The following DIP2B variants were observed in gnomAD, a reference collection of about 807,000 sequenced individuals.
The protein encoded by DIP2B is DIP2 acetate--CoA ligase B (putative).
DIP2B carries 76 observed loss-of-function variants against 198.0 expected under a neutral mutation model. That is an observed-to-expected ratio of 0.38 (90% CI 0.32 to 0.46). The LOEUF is 0.46. Ranked by LOEUF, DIP2B falls within the 20% of genes least tolerant of loss-of-function variation. The pLI is 0.99. For synonymous variants in DIP2B, 701 were observed against 739.1 expected (o/e 0.95, Z 0.84); for missense variants, 1,559 against 1,978.4 (o/e 0.79, Z 4.02).
rs189096210 is a variant in DIP2B, at chr12:50,692,070, A to T, written c.1655-879A>T. On this transcript the variant is annotated intron_variant, in intron 13 of 37. Coordinates refer to ENST00000301180, the MANE Select transcript of DIP2B (RefSeq NM_173602.3). ...ACAGAGCAAGACTCTGTCTCAAAAA[A>T]ATATATATATATATAATACATTCAT... 6.5e-3 allele frequency among the ~76,000 whole-genome samples: 988 copies of T among 151,118 alleles called. 5 individuals carry two copies. The highest frequency in any genetic ancestry group is 0.014 in the Middle Eastern group (4 of 294).
chr12:50,511,291 A>AT lies in DIP2B; in HGVS notation c.100+6072dup, dbSNP rs71083581. On this transcript the variant is annotated intron_variant, in intron 1 of 37. Transcript: ENST00000301180. ...CCTATCCCTGACCAGTGTGATTTCT[A>AT]TTTTTTTTTTTTTTTTTTTTTGAGA... Among the ~76,000 whole-genome samples the AT allele has an allele frequency of 8.1e-3, 525 of 64,634 alleles. 73 individuals are homozygous for AT. The South Asian group carries it at 0.1, about 12-fold the overall frequency. The allele number at this position is 64,634 out of a possible 152,430, so 42.4% of individuals were successfully genotyped here. A position where few individuals can be genotyped will look rare whatever the true frequency, so the allele number is the denominator to read the frequency against.
At chr12:50,530,396 T>G (rs934794633) in intron 1 of DIP2B, among the ~76,000 whole-genome samples, 4 of 152,170 alleles carry the variant, frequency 2.6e-5, no homozygotes, top group African/African-American at 9.7e-5. Context: ...ATCACTTTCT[T>G]CAGGGGAAAG....
At chr12:50,529,858 CAAAAAAA>C (rs1055882981) in intron 1 of DIP2B, among the ~76,000 whole-genome samples, 2 of 146,792 alleles carry the variant, frequency 1.4e-5, no homozygotes, top group African/African-American at 5.0e-5. Flanking sequence ...GCCTCTGTCT[CAAAAAAA>C]GAAAAAAGAA....
intron 4 of DIP2B, among the ~76,000 whole-genome samples, chr12:50,663,481 G>C (rs192341165): frequency 1.3e-5 from 2 of 152,112 alleles, no homozygotes; most frequent in Admixed American, 1.3e-4. Flanking sequence ...GCGTGAACCT[G>C]GAAGGCAGAG....
chr12:50,524,560 A>T, intron 1 of DIP2B, among the ~76,000 whole-genome samples: 1 of 147,086 alleles, frequency 6.8e-6, no homozygotes, highest in African/African-American at 2.5e-5. Context: ...GCCTCCCTCC[A>T]TCCTCCCGCT....
intron 3 of DIP2B, among the ~76,000 whole-genome samples, chr12:50,643,451 G>GTGTT (rs1555189560): frequency 4.9e-5 from 7 of 142,396 alleles, no homozygotes; most frequent in Non-Finnish European, 9.1e-5. Flanking sequence ...GTGTGTGTGT[G>GTGTT]TTTTAAAGGA....
rs1197819864 is a variant in DIP2B, at chr12:50,660,390, CTT to C, written c.427+74_427+75del. 6 of 1,460,924 alleles carry C rather than the reference CTT, an allele frequency of 4.1e-6. No homozygotes were observed. In the East Asian group the frequency reaches 1.2e-4, roughly 30 times the overall value. The allele number at this position is 1,460,924 out of a possible 1,614,324, so 90.5% of individuals were successfully genotyped here. A position where few individuals can be genotyped will look rare whatever the true frequency, so the allele number is the denominator to read the frequency against. On this transcript the variant is annotated intron_variant, in intron 4 of 37. Transcript: ENST00000301180. ...GTTCCTGAAATAAGTTCTGCTTTTT[CTT>C]TTCTGAGGTAAGAACCAGAATCTTC...
intron 34 of DIP2B, among the ~76,000 whole-genome samples, 198 bp from the exon 35 acceptor site, chr12:50,736,838 A>T (rs1940146295): frequency 6.6e-6 from 1 of 152,196 alleles, no homozygotes; most frequent in Non-Finnish European, 1.5e-5. Flanking sequence ...TTCGTCTTCA[A>T]TGAACTGAGG....
At chr12:50,656,505 G>A (rs1938556253) in intron 3 of DIP2B, among the ~76,000 whole-genome samples, 1 of 152,186 alleles carries the variant, frequency 6.6e-6, no homozygotes, top group Non-Finnish European at 1.5e-5. Flanking sequence ...GAATAGTCAT[G>A]GAATAAAATG....
chr12:50,513,866 T>C (rs1373765713), intron 1 of DIP2B, among the ~76,000 whole-genome samples: 7 of 108,084 alleles, frequency 6.5e-5, no homozygotes, highest in Non-Finnish European at 1.2e-4. Flanking sequence ...AGAGTGGGAC[T>C]CCGTCTCAAA....
chr12:50,560,722 G>A (rs914840909), intron 1 of DIP2B, among the ~76,000 whole-genome samples: 48 of 152,314 alleles, frequency 3.2e-4, no homozygotes, highest in African/African-American at 1.1e-3. Flanking sequence ...CTGCGCTCCA[G>A]CCTGGGCGAC....
In DIP2B at chr12:50,698,416, G is replaced by A; in HGVS notation, c.2137G>A (p.Asp713Asn). The change falls in exon 18 of 38, where the codon GAT (aspartate) becomes AAT (asparagine). Residue 713 changes from aspartate to asparagine, a missense_variant. Transcript: ENST00000301180. ...SYGVIRVNTE[D>N]KNSALTVQDV... ...TGGGGTAATACGGGTCAATACTGAAGATAAAAATTCAGCACTGACGGTCCA... is the reference window on the plus strand; with the variant it reads ...TGGGGTAATACGGGTCAATACTGAAAATAAAAATTCAGCACTGACGGTCCA... 1.2e-6 allele frequency: 2 copies of A among 1,613,960 alleles called. No homozygotes were observed. Among genetic ancestry groups the A allele is most frequent in the Non-Finnish European group, 1.7e-6 (2 of 1,179,922 alleles).
intron 1 of DIP2B, among the ~76,000 whole-genome samples, chr12:50,579,541 G>C (rs1488859804): frequency 1.4e-5 from 2 of 144,196 alleles, no homozygotes; most frequent in Admixed American, 1.4e-4. Flanking sequence ...GAACCTGGGA[G>C]GTGGAGGTTG....
At chr12:50,711,253 T>C (rs1939609080) in intron 22 of DIP2B, among the ~76,000 whole-genome samples, 1 of 152,246 alleles carries the variant, frequency 6.6e-6, no homozygotes, top group South Asian at 2.1e-4. Context: ...TGACGCCATG[T>C]ATTCTAATAG....
chr12:50,731,844 T>A (rs57202384), intron 31 of DIP2B, among the ~76,000 whole-genome samples: 203 of 152,336 alleles, frequency 1.3e-3, no homozygotes, highest in African/African-American at 4.8e-3. Context: ...TTTTTTTTCC[T>A]AATAGAATTT....
At chr12:50,584,189 A>G (rs1958749284) in intron 1 of DIP2B, among the ~76,000 whole-genome samples, 1 of 152,164 alleles carries the variant, frequency 6.6e-6, no homozygotes, top group African/African-American at 2.4e-5. Context: ...CTCATCCTCT[A>G]ACTTCCACCT....
chr12:50,670,347 A>G (rs949728467), intron 4 of DIP2B, among the ~76,000 whole-genome samples: 33 of 152,134 alleles, frequency 2.2e-4, no homozygotes, highest in African/African-American at 7.5e-4. Flanking sequence ...GAATAAGTCC[A>G]GGCTAAGGAT....
intron 37 of DIP2B, 61 bp downstream of exon 37, chr12:50,741,600 C>G (rs11169541): frequency 2.6e-6 from 4 of 1,556,950 alleles, no homozygotes; most frequent in Non-Finnish European, 3.5e-6. Context: ...CTCAACTGAT[C>G]TAATTAATTG....
At chr12:50,736,741 A>G (rs1330728738) in intron 34 of DIP2B, among the ~76,000 whole-genome samples, 1 of 152,206 alleles carries the variant, frequency 6.6e-6, no homozygotes, top group Non-Finnish European at 1.5e-5. Context: ...TTCTACTGTT[A>G]AGGTCCTGAT....
Sources: allele counts gnomAD v4.1 joint callset (sites outside exome capture counted in the v4.1 genomes callset), GRCh38; gene constraint gnomAD v4.1.1; transcripts MANE v1.5; gene names NCBI Gene and HGNC (gene_info 2026-07-23, HGNC 2026-07-21).